Variants in COG6 observed in about 807,000 individuals in gnomAD.
COG6 encodes the protein component of oligomeric golgi complex 6.
In COG6, 74 loss-of-function variants were observed where a neutral mutation model predicts 88.8. The observed-to-expected ratio is 0.83, with a 90% CI of 0.69 to 1.01. The LOEUF is 1.01. Among genes scored for constraint, COG6 ranks in the 50% least tolerant of loss-of-function variants. COG6 has a pLI of 0.00. For missense variants in COG6, 800 were observed against 797.9 expected (o/e 1.00, Z -0.03); for synonymous variants, 286 against 278.7 (o/e 1.03, Z -0.26).
chr13:39,702,511 T>G (rs1877639203), intron 13 of COG6, among the ~76,000 whole-genome samples: 1 of 152,026 alleles, frequency 6.6e-6, no homozygotes, highest in Non-Finnish European at 1.5e-5. Context: ...ATTCTCATAT[T>G]TGATCACATT....
At chr13:39,723,225 T>A (rs1268523291) in intron 15 of COG6, 108 bp from the exon 16 acceptor site, 1 of 719,082 alleles carries the variant, frequency 1.4e-6, no homozygotes, top group Non-Finnish European at 2.5e-6. Context: ...GAGGCTTTGT[T>A]ACAGAGGTGA....
chr13:39,764,327 A>AT lies in COG6; in HGVS notation c.1827-23998dup, dbSNP rs138381502. Among the ~76,000 whole-genome samples, 122 of 148,648 alleles carry AT rather than the reference A, an allele frequency of 8.2e-4. 2 individuals carry two copies. The East Asian group carries it at 0.015, about 19-fold the overall frequency. ...AAAGAACCTATGTTTTACTTGGTTG[A>AT]TTTTTTTTTTATTGTATATTTGTTT... On this transcript the variant is annotated intron_variant, in intron 18 of 18. Transcript: ENST00000416691.
chr13:39,719,274 A>T lies in COG6; in HGVS notation c.1323A>T (p.Ala441=), dbSNP rs147563535. 4 of 1,612,848 alleles carry T rather than the reference A, an allele frequency of 2.5e-6. No homozygotes were observed. The highest frequency in any genetic ancestry group is 1.3e-5 in the African/African-American group (1 of 74,986). ...LPPPDLGPSS[A]LNQTLMLLRE... ...CACCTGATCTTGGACCAAGTTCTGC[A>T]CTAAATCAGACACTCATGTTGCTGC... The change falls in exon 14 of 19, where the codon GCA becomes GCT. Residue 441 remains alanine (A), a synonymous_variant. Coordinates refer to ENST00000455146, the MANE Select transcript of COG6 (RefSeq NM_020751.3).
At chr13:39,717,493 C>A (rs1187150298) in intron 13 of COG6, among the ~76,000 whole-genome samples, 1 of 147,016 alleles carries the variant, frequency 6.8e-6, no homozygotes, top group Non-Finnish European at 1.5e-5. Flanking sequence ...TTTTTCAATT[C>A]TTTTTCTTTC....
At chr13:39,748,677 C>A (rs1024058987) in intron 18 of COG6, among the ~76,000 whole-genome samples, 4 of 151,986 alleles carry the variant, frequency 2.6e-5, no homozygotes, top group Admixed American at 6.6e-5. Context: ...AAACCAGTTT[C>A]TACCATCATC....
chr13:39,735,153 G>A (rs1375756991), intron 18 of COG6, among the ~76,000 whole-genome samples: 2 of 151,468 alleles, frequency 1.3e-5, no homozygotes, highest in Non-Finnish European at 3.0e-5. Context: ...TTGCTTTCTT[G>A]TTGTTCTGTG....
At chr13:39,769,637 T>C (rs1372520078) in intron 18 of COG6, among the ~76,000 whole-genome samples, 3 of 152,136 alleles carry the variant, frequency 2.0e-5, no homozygotes, top group African/African-American at 7.2e-5. Flanking sequence ...TAGAGGGAAA[T>C]AGTCGAATAC....
intron 18 of COG6, among the ~76,000 whole-genome samples, chr13:39,759,583 A>C (rs564563972): frequency 4.6e-5 from 7 of 152,298 alleles, no homozygotes; most frequent in Admixed American, 3.9e-4. Flanking sequence ...ATTAAGCACA[A>C]TTACCTATCA....
chr13:39,682,185 T>C lies in COG6; in HGVS notation c.709T>C (p.Leu237=), dbSNP rs1270307961. Residue 237 remains leucine (L), a synonymous_variant, in exon 8 of 19, where the codon TTG becomes CTG. Transcript: ENST00000455146. The stretch of plus-strand genomic sequence containing the variant: ...TTATTTTTCAGGTGAATGCAGAACA[T>C]TGACACAAGAATCATGTGACGTATC... ...YRWAQSECRT[L]TQESCDVSPV... is the part of the protein sequence containing the mutation. The C allele has an allele frequency of 1.2e-6, 2 of 1,610,416 alleles. No homozygotes were observed. The highest frequency in any genetic ancestry group is 2.2e-5 in the East Asian group (1 of 44,786).
At chr13:39,732,588 A>G (rs1879512292) in intron 18 of COG6, among the ~76,000 whole-genome samples, 1 of 152,264 alleles carries the variant, frequency 6.6e-6, no homozygotes, top group African/African-American at 2.4e-5. Context: ...GAATTCTAGA[A>G]TTCAGAGATG....
At chr13:39,697,059 G>A (rs534441344) in intron 12 of COG6, among the ~76,000 whole-genome samples, 1 of 150,554 alleles carries the variant, frequency 6.6e-6, no homozygotes, top group South Asian at 2.1e-4. Flanking sequence ...AGGGAATGCT[G>A]GAAAGGAACT....
In COG6 at chr13:39,679,514, A is replaced by G. The variant is rs373189865; in HGVS notation, c.541-24A>G. ...GCAATTTTGCCTGAAGCATGGACATAAAGTCACATTCTTAATTTTAAAGGA... is the reference window on the plus strand; with the variant it reads ...GCAATTTTGCCTGAAGCATGGACATGAAGTCACATTCTTAATTTTAAAGGA... On this transcript the variant is annotated intron_variant, in intron 5 of 18. Coordinates refer to ENST00000455146, the MANE Select transcript of COG6 (RefSeq NM_020751.3). The G allele has an allele frequency of 3.8e-6, 5 of 1,330,580 alleles. No homozygotes were observed. In the African/African-American group the frequency reaches 5.8e-5, roughly 15 times the overall value. 82.4% of individuals were successfully genotyped at this position (1,330,580 alleles called of 1,614,324 possible).
At chr13:39,667,272 A>C (rs1398241721) in intron 4 of COG6, among the ~76,000 whole-genome samples, 2 of 152,206 alleles carry the variant, frequency 1.3e-5, no homozygotes, top group Non-Finnish European at 2.9e-5. Context: ...GCTTTATAAA[A>C]GCTTAATCAT....
intron 13 of COG6, among the ~76,000 whole-genome samples, chr13:39,710,323 TTG>T: frequency 6.6e-6 from 1 of 152,146 alleles, no homozygotes; most frequent in South Asian, 2.1e-4. Flanking sequence ...ATTTTGATCG[TTG>T]ATTCTGTTTC....
intron 12 of COG6, among the ~76,000 whole-genome samples, chr13:39,697,146 C>T (rs935173996): frequency 6.6e-6 from 1 of 151,282 alleles, no homozygotes; most frequent in African/African-American, 2.4e-5. Flanking sequence ...TGTGAATATA[C>T]AGGAGATTTT....
intron 15 of COG6, among the ~76,000 whole-genome samples, chr13:39,721,903 A>G (rs964495885): frequency 2.6e-5 from 4 of 152,030 alleles, no homozygotes; most frequent in Non-Finnish European, 4.4e-5. Context: ...TTTTCCCAGG[A>G]TATTTTTGGT....
intron 18 of COG6, among the ~76,000 whole-genome samples, chr13:39,766,960 C>T (rs767522527): frequency 3.3e-5 from 5 of 152,158 alleles, no homozygotes; most frequent in African/African-American, 7.2e-5. Flanking sequence ...AGATGAGTCA[C>T]GTAAGCTGGT....
At chr13:39,705,473 A>C (rs1877839794) in intron 13 of COG6, among the ~76,000 whole-genome samples, 2 of 152,124 alleles carry the variant, frequency 1.3e-5, no homozygotes, top group South Asian at 4.1e-4. Flanking sequence ...TTTAAAGAGA[A>C]TATGCATCTA....
At chr13:39,764,822 ATG>A (rs964106907) in intron 18 of COG6, among the ~76,000 whole-genome samples, 5 of 152,096 alleles carry the variant, frequency 3.3e-5, no homozygotes, top group African/African-American at 1.2e-4. Flanking sequence ...AGATTTAGAA[ATG>A]TTTTCTGTAG....
Sources: gnomAD v4.1 joint callset for allele counts (sites outside exome capture counted in the v4.1 genomes callset) on GRCh38, gnomAD v4.1.1 for gene constraint, MANE v1.5 for transcripts, NCBI Gene and HGNC (gene_info 2026-07-23, HGNC 2026-07-21) for gene names.